SCAPER: variants seen among roughly 807,000 people sequenced by gnomAD.
SCAPER encodes S-phase cyclin A associated protein in the ER.
SCAPER carries 98 observed loss-of-function variants against 182.2 expected under a neutral mutation model. That is an observed-to-expected ratio of 0.54 (90% CI 0.46 to 0.64). SCAPER has a LOEUF of 0.64. Ranked by LOEUF, SCAPER falls within the 30% of genes least tolerant of loss-of-function variation. SCAPER has a pLI of 0.00. For synonymous variants in SCAPER, 605 were observed against 564.6 expected (o/e 1.07, Z -1.01); for missense variants, 1,432 against 1,690.0 (o/e 0.85, Z 2.68).
At chr15:76,517,966 A>G (rs375849558) in intron 23 of SCAPER, among the ~76,000 whole-genome samples, 1 of 152,232 alleles carries the variant, frequency 6.6e-6, no homozygotes, top group Non-Finnish European at 1.5e-5. Flanking sequence ...AAGTTTGACT[A>G]TCACAAGTAA....
chr15:76,604,726 T>C (rs2936479), intron 22 of SCAPER, among the ~76,000 whole-genome samples: 135,887 of 151,220 alleles, frequency 0.9, 61,501 homozygotes, highest in Admixed American at 0.96. Context: ...TAGTTCTCCT[T>C]GAAGAGGTCC....
At chr15:76,885,497 AT>A (rs2073791833) in intron 1 of SCAPER, among the ~76,000 whole-genome samples, 2 of 152,078 alleles carry the variant, frequency 1.3e-5, no homozygotes, top group South Asian at 4.1e-4. Flanking sequence ...TCATTCACTC[AT>A]TTTGAGACAG....
chr15:76,589,195 T>C (rs1043938432), intron 22 of SCAPER, among the ~76,000 whole-genome samples: 4 of 152,158 alleles, frequency 2.6e-5, no homozygotes, highest in African/African-American at 7.2e-5. Context: ...TTGTTTGGTC[T>C]CCTGCCAGGA....
chr15:76,650,198 G>C (rs566161346), intron 21 of SCAPER, among the ~76,000 whole-genome samples: 143 of 152,120 alleles, frequency 9.4e-4, no homozygotes, highest in Middle Eastern at 6.8e-3. Flanking sequence ...AAGTGGTAGA[G>C]CTAATAAATC....
At chr15:76,806,765 G>A (rs1216549606) in intron 5 of SCAPER, among the ~76,000 whole-genome samples, 1 of 152,088 alleles carries the variant, frequency 6.6e-6, no homozygotes, top group East Asian at 1.9e-4. Context: ...TATAGTTTGT[G>A]TGTACATCTT....
At chr15:76,752,048 AACTC>A (rs1448902159) in intron 15 of SCAPER, among the ~76,000 whole-genome samples, 1 of 151,776 alleles carries the variant, frequency 6.6e-6, no homozygotes, top group Non-Finnish European at 1.5e-5. Context: ...AAAAAAAAAA[AACTC>A]AATTCAAGAA....
At chr15:76,622,423 A>C (rs2052171784) in intron 21 of SCAPER, among the ~76,000 whole-genome samples, 1 of 152,202 alleles carries the variant, frequency 6.6e-6, no homozygotes, top group African/African-American at 2.4e-5. Context: ...GGTGAAAAAA[A>C]AAATACTCCT....
intron 26 of SCAPER, among the ~76,000 whole-genome samples, chr15:76,410,584 A>G (rs895415828): frequency 6.6e-6 from 1 of 152,130 alleles, no homozygotes; most frequent in Non-Finnish European, 1.5e-5. Flanking sequence ...AATAGTCCTA[A>G]ATCCTTCTTG....
At chr15:76,506,779 A>G (rs1046881728) in intron 23 of SCAPER, among the ~76,000 whole-genome samples, 3 of 152,180 alleles carry the variant, frequency 2.0e-5, no homozygotes, top group African/African-American at 7.2e-5. Flanking sequence ...AAGATAATCT[A>G]ATATCTAATC....
intron 21 of SCAPER, among the ~76,000 whole-genome samples, chr15:76,622,967 T>A (rs148027731): frequency 1.3e-4 from 20 of 152,146 alleles, no homozygotes; most frequent in Non-Finnish European, 2.6e-4. Context: ...TAATAATGAG[T>A]GCATGTGACA....
chr15:76,458,337 TATA>T (rs1019901281), intron 25 of SCAPER, among the ~76,000 whole-genome samples: 1 of 151,892 alleles, frequency 6.6e-6, no homozygotes, highest in Non-Finnish European at 1.5e-5. Context: ...GAGAAAATCA[TATA>T]TAGAGAGAGA....
At chr15:76,745,265 C>A (rs1047647259) in intron 15 of SCAPER, among the ~76,000 whole-genome samples, 1 of 151,960 alleles carries the variant, frequency 6.6e-6, no homozygotes. Flanking sequence ...AATGGTGAAA[C>A]CTCGTCTCTA....
intron 20 of SCAPER, 54 bp from the exon 21 acceptor site, chr15:76,665,843 T>C (rs781347421): frequency 1.0e-4 from 145 of 1,391,474 alleles, no homozygotes; most frequent in Non-Finnish European, 1.3e-4. Flanking sequence ...TTAAATATAA[T>C]ATAGGATTGC....
intron 11 of SCAPER, among the ~76,000 whole-genome samples, chr15:76,766,692 T>A (rs1168680714): frequency 6.6e-6 from 1 of 152,212 alleles, no homozygotes; most frequent in African/African-American, 2.4e-5. Context: ...ACTTGTCAAC[T>A]GTATCATACA....
chr15:76,585,645 A>G (rs2048595619), intron 22 of SCAPER, among the ~76,000 whole-genome samples: 1 of 152,332 alleles, frequency 6.6e-6, no homozygotes, highest in Non-Finnish European at 1.5e-5. Flanking sequence ...AGAGGCTTGT[A>G]TTTCACCCTG....
chr15:76,447,430 A>T (rs939208752), intron 25 of SCAPER, among the ~76,000 whole-genome samples: 2 of 152,208 alleles, frequency 1.3e-5, no homozygotes, highest in African/African-American at 4.8e-5. Context: ...AAACAACCTG[A>T]GACTTCTGAT....
intron 15 of SCAPER, among the ~76,000 whole-genome samples, chr15:76,751,979 C>A (rs927506565): frequency 6.6e-6 from 1 of 151,222 alleles, no homozygotes; most frequent in African/African-American, 2.4e-5. Context: ...CAAATCATAT[C>A]TTTGATTTAA....
At chr15:76,466,506 A>C (rs1215077499) in intron 25 of SCAPER, among the ~76,000 whole-genome samples, 1 of 140,186 alleles carries the variant, frequency 7.1e-6, no homozygotes, top group African/African-American at 2.6e-5. Flanking sequence ...GAGCTCATAC[A>C]GCATCTTTAT....
At chr15:76,803,530 C>T (rs1335246960) in intron 6 of SCAPER, among the ~76,000 whole-genome samples, 1 of 152,176 alleles carries the variant, frequency 6.6e-6, no homozygotes, top group Non-Finnish European at 1.5e-5. Flanking sequence ...AACAAAATAC[C>T]TTATGACTGG....
Sources: allele counts gnomAD v4.1 joint callset (sites outside exome capture counted in the v4.1 genomes callset), GRCh38; gene constraint gnomAD v4.1.1; transcripts MANE v1.5; gene names NCBI Gene and HGNC (gene_info 2026-07-23, HGNC 2026-07-21).